Variants in PLXDC1 observed in about 807,000 individuals in gnomAD.
The protein encoded by PLXDC1 is plexin domain containing 1, also known as plexin domain-containing protein 1.
PLXDC1 carries 39 observed loss-of-function variants against 61.3 expected under a neutral mutation model. That is an observed-to-expected ratio of 0.64 (90% confidence interval 0.49 to 0.83). PLXDC1 has a LOEUF of 0.83. Among genes scored for constraint, PLXDC1 ranks in the 40% least tolerant of loss-of-function variants. The probability of loss-of-function intolerance (pLI) is 0.00; values close to 1 mark genes in which losing one functional copy is unlikely to be tolerated. For synonymous variants in PLXDC1, 212 were observed against 254.5 expected (o/e 0.83, Z 1.59); for missense variants, 596 against 666.5 (o/e 0.89, Z 1.17).
chr17:39,072,484 A>G lies in PLXDC1; in HGVS notation c.1188T>C (p.Asp396=). Residue 396 remains aspartate (D), a splice_region_variant and synonymous_variant, in exon 12 of 14, where the codon GAT becomes GAC. Coordinates refer to ENST00000315392, the MANE Select transcript of PLXDC1 (RefSeq NM_020405.5). ...SLFIDSLTTE[D]DTKLNPYAGG... ...CTGCATAGGGATTCAACTTGGTGTC[A>G]TCTTCAAAGAGAGAAGACAGAAGGA... 2.0e-6 allele frequency: 3 copies of G among 1,535,426 alleles called. No individual in the cohort carries two copies. In the South Asian group the frequency reaches 3.6e-5, roughly 18 times the overall value.
chr17:39,108,390 C>T, intron 4 of PLXDC1, 145 bp from the exon 5 acceptor site: 1 of 832,162 alleles, frequency 1.2e-6, no homozygotes, highest in African/African-American at 1.7e-5. Flanking sequence ...ATCTGGCGGG[C>T]TCTGGGTCTG....
chr17:39,117,605 G>A (rs1911019381), intron 2 of PLXDC1, among the ~76,000 whole-genome samples: 1 of 152,122 alleles, frequency 6.6e-6, no homozygotes, highest in African/African-American at 2.4e-5. Flanking sequence ...AGCTGGGCAT[G>A]GTGGCATGCA....
At chr17:39,137,200 C>G (rs1420231319) in intron 2 of PLXDC1, among the ~76,000 whole-genome samples, 2 of 152,152 alleles carry the variant, frequency 1.3e-5, no homozygotes, top group Admixed American at 1.3e-4. Flanking sequence ...CACACCAAGC[C>G]TCTAACAGTG....
At chr17:39,145,136 C>A (rs1488315187) in intron 1 of PLXDC1, among the ~76,000 whole-genome samples, 2 of 152,182 alleles carry the variant, frequency 1.3e-5, no homozygotes, top group African/African-American at 2.4e-5. Context: ...ACAATCCCCA[C>A]TGTTTCCCAG....
At chr17:39,151,651 G>C, upstream of PLXDC1, 6 of 852,296 alleles carry the variant, frequency 7.0e-6, no homozygotes, top group Non-Finnish European at 7.2e-6. This position sits in a 1 kb window ranked among gnomAD's most constrained non-coding sequence, Gnocchi z 5.2. Context: ...CGGGGAGCTG[G>C]GGGGGCCGCT....
Position 39,108,187 on chromosome 17 carries a change from C to T in PLXDC1, c.528G>A (p.Ala176=), listed in dbSNP as rs1328419543. The T allele has an allele frequency of 9.3e-6, 15 of 1,613,942 alleles. No homozygotes were observed. Among genetic ancestry groups the T allele is most frequent in the African/African-American group, 2.7e-5 (2 of 74,904 alleles). The change falls in exon 5 of 14, where the codon GCG becomes GCA. Residue 176 remains alanine (A), a synonymous_variant. Coordinates refer to ENST00000315392, the MANE Select transcript of PLXDC1 (RefSeq NM_020405.5). ...CAGGGTTGAAGTTGGCCATCAGGGG[C>T]GCCACATACTGAGTAGCTGTGAGCA... ...HRMLTATQYV[A]PLMANFNPGY... is the part of the protein sequence containing the mutation.
chr17:39,122,114 G>C (rs867939459), intron 2 of PLXDC1, among the ~76,000 whole-genome samples: 21 of 75,930 alleles, frequency 2.8e-4, no homozygotes, highest in Non-Finnish European at 4.7e-4. Context: ...AAAAAAAAGG[G>C]GGGGGGGACT....
chr17:39,104,848 T>A (rs1290848892), intron 7 of PLXDC1, among the ~76,000 whole-genome samples: 1 of 151,950 alleles, frequency 6.6e-6, no homozygotes, highest in African/African-American at 2.4e-5. Flanking sequence ...CTTCACTGTA[T>A]CTCAACAGTG....
chr17:39,085,275 T>C (rs1336104302), intron 8 of PLXDC1, among the ~76,000 whole-genome samples: 1 of 152,152 alleles, frequency 6.6e-6, no homozygotes, highest in East Asian at 1.9e-4. Flanking sequence ...CACTGTGTCC[T>C]TTTGTCTGCC....
At chr17:39,085,327 G>A (rs576767241) in intron 8 of PLXDC1, among the ~76,000 whole-genome samples, 1 of 152,234 alleles carries the variant, frequency 6.6e-6, no homozygotes, top group East Asian at 1.9e-4. Context: ...AAAGAGCCAT[G>A]GGCAGGAAAG....
At chr17:39,089,810 CTTA>C (rs1456684558) in intron 7 of PLXDC1, among the ~76,000 whole-genome samples, 1 of 152,026 alleles carries the variant, frequency 6.6e-6, no homozygotes, top group Non-Finnish European at 1.5e-5. Context: ...TATTTATTTA[CTTA>C]TTGAGACTGA....
At chr17:39,099,464 G>C (rs918202419) in intron 7 of PLXDC1, among the ~76,000 whole-genome samples, 2 of 152,124 alleles carry the variant, frequency 1.3e-5, no homozygotes, top group African/African-American at 2.4e-5. Flanking sequence ...AATGTACATG[G>C]GATGCAGGAT....
intron 7 of PLXDC1, among the ~76,000 whole-genome samples, chr17:39,098,240 C>T (rs1364016315): frequency 7.0e-6 from 1 of 142,902 alleles, no homozygotes; most frequent in Non-Finnish European, 1.5e-5. Flanking sequence ...AATCCGTATA[C>T]AATTTTAAGA....
chr17:39,089,825 T>A (rs1325138184), intron 7 of PLXDC1, among the ~76,000 whole-genome samples: 1 of 152,100 alleles, frequency 6.6e-6, no homozygotes, highest in Non-Finnish European at 1.5e-5. Context: ...TGAGACTGAG[T>A]CTCGCTCTGT....
chr17:39,083,641 T>G, intron 8 of PLXDC1, 101 bp from the exon 9 acceptor site: 2 of 905,802 alleles, frequency 2.2e-6, no homozygotes, highest in South Asian at 2.8e-5. Flanking sequence ...ATGGAGCCCC[T>G]GACTTTGAGG....
Position 39,063,820 on chromosome 17 carries a change from T to C in PLXDC1, c.*4020A>G, listed in dbSNP as rs905797811. ...CTGACTCTTCTGGTGTAGGTTTGCT[T>C]GGCCAGGGAGTCTGAGTGCAGCCCC... On this transcript the variant is annotated 3_prime_UTR_variant, in exon 14 of 14. Transcript: ENST00000315392. 1 of 300,970 alleles carries C rather than the reference T, an allele frequency of 3.3e-6. No individual in the cohort carries two copies. Among genetic ancestry groups the C allele is most frequent in the African/African-American group, 2.2e-5 (1 of 45,832 alleles). The allele number at this position is 300,970 out of a possible 1,614,324, so 18.6% of individuals were successfully genotyped here.
At chr17:39,068,712 A>G (rs1162890755) in intron 13 of PLXDC1, among the ~76,000 whole-genome samples, 3 of 152,196 alleles carry the variant, frequency 2.0e-5, no homozygotes, top group African/African-American at 7.2e-5. Flanking sequence ...CCTGCCTTAG[A>G]CCTGCCCTAT....
chr17:39,072,681 G>A, intron 11 of PLXDC1, 196 bp from the exon 12 acceptor site: 1 of 610,850 alleles, frequency 1.6e-6, no homozygotes, highest in Non-Finnish European at 3.0e-6. Flanking sequence ...TAAATGAGCG[G>A]GGACTGGTGA....
chr17:39,150,147 G>C (rs1053236395), intron 1 of PLXDC1, among the ~76,000 whole-genome samples: 3 of 152,060 alleles, frequency 2.0e-5, no homozygotes, highest in African/African-American at 7.2e-5. Context: ...GCCACCCTCT[G>C]TGTGGTCTCC....
Sources: allele counts gnomAD v4.1 joint callset (sites outside exome capture counted in the v4.1 genomes callset), GRCh38; gene constraint gnomAD v4.1.1; non-coding constraint Gnocchi (gnomAD v3.1); transcripts MANE v1.5; gene names NCBI Gene and HGNC (gene_info 2026-07-23, HGNC 2026-07-21).